The following PCGF3 variants were observed in gnomAD, a reference collection of about 807,000 sequenced individuals.
PCGF3 encodes polycomb group ring finger 3.
PCGF3 carries 7 observed loss-of-function variants against 33.1 expected under a neutral mutation model. That is an observed-to-expected ratio of 0.21 (90% confidence interval 0.12 to 0.40). The LOEUF (loss-of-function observed/expected upper bound fraction) is 0.40, where lower values mean the gene tolerates loss of function less well. Among genes scored for constraint, PCGF3 ranks in the 10% least tolerant of loss-of-function variants. The pLI is 1.00. For synonymous variants in PCGF3, 153 were observed against 121.3 expected (o/e 1.26, Z -1.72); for missense variants, 211 against 313.3 (o/e 0.67, Z 2.46).
At chr4:734,627 T>G in intron 4 of PCGF3, 1 of 1,237,866 alleles carries the variant, frequency 8.1e-7, no homozygotes, top group South Asian at 2.5e-5. Flanking sequence ...TTAGCCCATG[T>G]TCTGATGACC....
exon 11 of PCGF3, chr4:769,321 T>G (rs1252989219): frequency 6.5e-6 from 1 of 152,698 alleles, no homozygotes; most frequent in South Asian, 2.1e-4. Context: ...TGGCATTGGG[T>G]TGGACGTTCT....
intron 9 of PCGF3, 69 bp downstream of exon 9, chr4:761,485 C>T (rs1577446374): frequency 2.7e-6 from 4 of 1,464,412 alleles, no homozygotes; most frequent in East Asian, 4.9e-5. Context: ...CTCCAAGATT[C>T]TTTGCTTAGT....
intron 7 of PCGF3, 135 bp from the exon 8 acceptor site, chr4:744,465 A>C (rs865847383): frequency 1.5e-6 from 1 of 678,680 alleles, no homozygotes; most frequent in Non-Finnish European, 2.5e-6. Context: ...CTTTCCTTTG[A>C]CGCTTACTCC....
intron 1 of PCGF3, among the ~76,000 whole-genome samples, chr4:726,801 T>A (rs1195915914): frequency 7.2e-5 from 11 of 152,036 alleles, no homozygotes. Context: ...CACACTAAAA[T>A]TCACCAGTTT....
At chr4:744,089 C>CCGG in intron 7 of PCGF3, 1 of 164,664 alleles carries the variant, frequency 6.1e-6, no homozygotes, top group South Asian at 1.6e-4. Context: ...TGGGAGGGGC[C>CCGG]TGGCTCTGTC....
chr4:753,970 C>T (rs148140024), intron 8 of PCGF3, among the ~76,000 whole-genome samples: 1 of 152,204 alleles, frequency 6.6e-6, no homozygotes, highest in Admixed American at 6.5e-5. Context: ...TTGGAGCGAG[C>T]AGCTGCCCAG....
At chr4:708,403 G>A (rs1742426908) in intron 1 of PCGF3, among the ~76,000 whole-genome samples, 1 of 152,114 alleles carries the variant, frequency 6.6e-6, no homozygotes, top group South Asian at 2.1e-4. Context: ...GCAGTGTCCT[G>A]AATCTGCCCA....
rs761316369 is a variant in PCGF3, at chr4:766,039, C to T, written c.689C>T (p.Pro230Leu). The stretch of plus-strand genomic sequence containing the variant: ...CGTTCTTGTGTCTTCCAGAAGGCGC[C>T]GCTCCTGCTGCACTACAGACCCAAG... The change falls in exon 11 of 11, where the codon CCG becomes CTG. Residue 230 changes from proline to leucine, a missense_variant. Physicochemically the swap from Pro to Leu is moderately conservative, Grantham distance 98 (BLOSUM62 -3). Around this residue, in one of 3 missense-constraint regions of PCGF3, gnomAD observed 63 missense variants for 123.8 expected, o/e 0.51. Coordinates refer to ENST00000362003, the Ensembl canonical transcript of PCGF3. The T allele has an allele frequency of 9.9e-6, 16 of 1,614,044 alleles. No individual in the cohort carries two copies. Among genetic ancestry groups the T allele is most frequent in the East Asian group, 2.2e-5 (1 of 44,880 alleles).
chr4:742,369 C>T (rs1418020619), intron 6 of PCGF3, among the ~76,000 whole-genome samples: 2 of 152,222 alleles, frequency 1.3e-5, no homozygotes, highest in Admixed American at 6.5e-5. Context: ...ATGCCCAGAG[C>T]GTTTCCCTGG....
rs1013020752 is a variant in PCGF3, at chr4:756,767, C to T, written c.463-4512C>T. Among the ~76,000 whole-genome samples, 7 of 152,264 alleles carry T rather than the reference C, an allele frequency of 4.6e-5. No homozygotes were observed. In the South Asian group the frequency reaches 8.3e-4, roughly 18 times the overall value. On this transcript the variant is annotated intron_variant, in intron 8 of 10. Transcript: ENST00000362003. ...TATCTTCCCAAACTGAAGCTCTGCC[C>T]CCATTAAACACTCACTCCCCACCCC... is the stretch of plus-strand genomic sequence containing the variant.
intron 6 of PCGF3, among the ~76,000 whole-genome samples, chr4:739,636 G>A (rs940122696): frequency 6.6e-6 from 1 of 152,172 alleles, no homozygotes; most frequent in African/African-American, 2.4e-5. Context: ...TGGGAAGCCC[G>A]CTTCTGGGCA....
At chr4:725,860 A>C (rs1295837773) in intron 1 of PCGF3, among the ~76,000 whole-genome samples, 2 of 152,090 alleles carry the variant, frequency 1.3e-5, no homozygotes, top group East Asian at 3.9e-4. Context: ...ATGATGACGG[A>C]GCCTCCTGGA....
At chr4:730,068 G>A (rs551427025) in intron 1 of PCGF3, among the ~76,000 whole-genome samples, 3 of 152,026 alleles carry the variant, frequency 2.0e-5, no homozygotes, top group South Asian at 4.2e-4. Flanking sequence ...GAGGCCCCAG[G>A]TGCCCTCCCT....
exon 11 of PCGF3, chr4:768,510 A>T (rs970286487): frequency 2.0e-5 from 3 of 152,044 alleles, no homozygotes; most frequent in African/African-American, 4.8e-5. Flanking sequence ...TACTGTGAAG[A>T]AGTTTTCACA....
At chr4:754,159 A>C (rs1744661445) in intron 8 of PCGF3, among the ~76,000 whole-genome samples, 1 of 152,076 alleles carries the variant, frequency 6.6e-6, no homozygotes, top group Non-Finnish European at 1.5e-5. Flanking sequence ...CCAGCACCAG[A>C]AACAGGGGAA....
At chr4:715,914 C>T (rs79075549) in intron 1 of PCGF3, among the ~76,000 whole-genome samples, 1 of 90,074 alleles carries the variant, frequency 1.1e-5, no homozygotes, top group African/African-American at 3.6e-5. Flanking sequence ...AACTGGGCGT[C>T]GGTGCTGGGA....
intron 1 of PCGF3, among the ~76,000 whole-genome samples, chr4:711,498 C>T (rs1421563388): frequency 5.2e-5 from 7 of 135,252 alleles, no homozygotes; most frequent in African/African-American, 1.3e-4. Flanking sequence ...TCGCCCAGGC[C>T]GGACTGCGGA....
intron 8 of PCGF3, among the ~76,000 whole-genome samples, chr4:750,930 T>C (rs1744483841): frequency 6.6e-6 from 1 of 152,184 alleles, no homozygotes. Flanking sequence ...TGGTCTCTGC[T>C]TCCACCCTCC....
chr4:735,636 A>C (rs1560206127), intron 5 of PCGF3, among the ~76,000 whole-genome samples: 1 of 152,244 alleles, frequency 6.6e-6, no homozygotes, highest in Non-Finnish European at 1.5e-5. Flanking sequence ...GAATTTGCTG[A>C]AGTTAAATTT....
Sources: gnomAD v4.1 joint callset for allele counts (sites outside exome capture counted in the v4.1 genomes callset) on GRCh38, gnomAD v4.1.1 for gene constraint, gnomAD v4.1.1 regional missense constraint, MANE v1.5 for transcripts, NCBI Gene and HGNC (gene_info 2026-07-23, HGNC 2026-07-21) for gene names.